The following TIAM1 variants were observed in gnomAD, a reference collection of about 807,000 sequenced individuals.
TIAM1 encodes TIAM Rac1 associated GEF 1.
A neutral mutation model predicts 163.5 loss-of-function variants in TIAM1; 65 were observed. The ratio of observed to expected loss-of-function variants is 0.40; its 90% CI spans 0.33 to 0.49. The LOEUF (loss-of-function observed/expected upper bound fraction) is 0.49. TIAM1 is among the 20% of genes least tolerant of loss of function. TIAM1 has a pLI of 0.77. For missense variants in TIAM1, 1,789 were observed against 2,044.7 expected (o/e 0.87, Z 2.41); for synonymous variants, 833 against 810.1 (o/e 1.03, Z -0.48).
chr21:31,330,404 G>T (rs535862803), intron 2 of TIAM1, among the ~76,000 whole-genome samples: 13 of 152,180 alleles, frequency 8.5e-5, no homozygotes, highest in East Asian at 1.9e-4. Flanking sequence ...GTTGTTTTTG[G>T]TTTTTTGCAT....
intron 2 of TIAM1, among the ~76,000 whole-genome samples, chr21:31,333,531 G>A (rs1326173836): frequency 1.3e-5 from 2 of 152,046 alleles, no homozygotes; most frequent in Non-Finnish European, 2.9e-5. Context: ...TCAACCTTCT[G>A]GGCTCAAGCA....
chr21:31,270,243 C>T (rs2072998446), intron 3 of TIAM1, among the ~76,000 whole-genome samples: 3 of 152,184 alleles, frequency 2.0e-5, no homozygotes, highest in South Asian at 2.1e-4. Flanking sequence ...AATATCGGTG[C>T]ATTTTAGTAA....
intron 20 of TIAM1, among the ~76,000 whole-genome samples, chr21:31,143,213 A>G (rs187026189): frequency 1.6e-4 from 24 of 152,252 alleles, no homozygotes; most frequent in African/African-American, 5.8e-4. Flanking sequence ...GTAAATGAAC[A>G]CAATCAACAT....
rs1282711514 is a variant in TIAM1, at chr21:31,339,401, T to C, written c.-347A>G. On this transcript the variant is annotated 5_prime_UTR_variant, in exon 2 of 28. Coordinates refer to ENST00000541036, the MANE Select transcript of TIAM1 (RefSeq NM_001353694.2). ...TGGGCTTCAGGTCTAGAAAGGTGGG[T>C]CTCAGTCCACAGTGATTCTACCTAT... is the stretch of plus-strand genomic sequence containing the variant. The C allele has an allele frequency of 2.5e-6, 1 of 398,494 alleles. No individual in the cohort carries two copies. Among genetic ancestry groups the C allele is most frequent in the Non-Finnish European group, 4.4e-6 (1 of 226,110 alleles). 24.7% of individuals were successfully genotyped at this position (398,494 alleles called of 1,614,324 possible). A position where few individuals can be genotyped will look rare whatever the true frequency, so the allele number is the denominator to read the frequency against.
chr21:31,363,645 C>T (rs1451661565), intron 2 of TIAM1, among the ~76,000 whole-genome samples: 2 of 152,052 alleles, frequency 1.3e-5, no homozygotes. Flanking sequence ...CTCCTTTTCC[C>T]TTTTCCAAAT....
In TIAM1 at chr21:31,213,422, A is replaced by C. The variant is rs1440287551; in HGVS notation, c.2193T>G (p.Phe731Leu). The C allele has an allele frequency of 6.2e-7, 1 of 1,611,162 alleles. No individual in the cohort carries two copies. Among genetic ancestry groups the C allele is most frequent in the South Asian group, 1.1e-5 (1 of 90,250 alleles). ...CCTTGCCATCTGGAACAATGTCATC[A>C]AATATTCCCTCTAAAGATTTCTTTA... ...EAVKKSLEGIFDDIVPDGKRE... is the reference protein window; with the variant it reads ...EAVKKSLEGILDDIVPDGKRE... Residue 731 changes from phenylalanine to leucine, a missense_variant, in exon 10 of 28, where the codon TTT (phenylalanine) becomes TTG (leucine). Transcript: ENST00000541036.
At chr21:31,453,711 T>G (rs2044970679) in intron 2 of TIAM1, among the ~76,000 whole-genome samples, 1 of 145,828 alleles carries the variant, frequency 6.9e-6, no homozygotes, top group Admixed American at 6.9e-5. Context: ...AATAAATAAA[T>G]AAATAAATAA....
At chr21:31,222,680 T>C (rs867224426) in intron 8 of TIAM1, among the ~76,000 whole-genome samples, 49 of 35,504 alleles carry the variant, frequency 1.4e-3, no homozygotes, top group East Asian at 0.011. Context: ...CACATACATA[T>C]ATATATATAT....
intron 16 of TIAM1, among the ~76,000 whole-genome samples, chr21:31,161,806 T>C (rs1327029789): frequency 6.6e-6 from 1 of 152,196 alleles, no homozygotes. Flanking sequence ...TTTAGACAGC[T>C]AACGATTGAA....
chr21:31,234,782 CAA>C (rs11301196), intron 6 of TIAM1, among the ~76,000 whole-genome samples: 4 of 151,512 alleles, frequency 2.6e-5, no homozygotes, highest in Non-Finnish European at 5.9e-5. Context: ...ACCCTGTCTC[CAA>C]AAAAAAAGAG....
At chr21:31,165,733 A>G (rs1196263258) in intron 15 of TIAM1, among the ~76,000 whole-genome samples, 2 of 151,914 alleles carry the variant, frequency 1.3e-5, no homozygotes, top group African/African-American at 2.4e-5. Flanking sequence ...TGATTTTACA[A>G]TTAGCAAATT....
intron 3 of TIAM1, among the ~76,000 whole-genome samples, chr21:31,275,413 C>A (rs913638628): frequency 6.6e-6 from 1 of 152,026 alleles, no homozygotes; most frequent in African/African-American, 2.4e-5. Context: ...CTGACAGCTA[C>A]AACAAAACGG....
chr21:31,294,832 G>A (rs1601855953), intron 2 of TIAM1, among the ~76,000 whole-genome samples: 1 of 152,182 alleles, frequency 6.6e-6, no homozygotes, highest in South Asian at 2.1e-4. Context: ...CACAAGCACG[G>A]GGAAGGGGGC....
intron 19 of TIAM1, among the ~76,000 whole-genome samples, chr21:31,147,676 A>G (rs2083185158): frequency 6.9e-6 from 1 of 145,204 alleles, no homozygotes; most frequent in Admixed American, 7.0e-5. Context: ...ATATATAGAT[A>G]TATATAAATA....
At chr21:31,188,889 T>C (rs1568994169) in intron 13 of TIAM1, among the ~76,000 whole-genome samples, 1 of 151,814 alleles carries the variant, frequency 6.6e-6, no homozygotes, top group Non-Finnish European at 1.5e-5. Flanking sequence ...TTTTTTTCTA[T>C]TAAAAAATTA....
chr21:31,528,078 G>A (rs2047844631), intron 1 of TIAM1, among the ~76,000 whole-genome samples: 1 of 152,178 alleles, frequency 6.6e-6, no homozygotes, highest in African/African-American at 2.4e-5. Context: ...AGACTTCAGT[G>A]TTTAAACAAC....
At chr21:31,146,277 T>C (rs997854397) in intron 20 of TIAM1, among the ~76,000 whole-genome samples, 3 of 143,596 alleles carry the variant, frequency 2.1e-5, no homozygotes, top group African/African-American at 7.9e-5. Context: ...TACCAAAAAA[T>C]ACAAAAATTA....
intron 15 of TIAM1, among the ~76,000 whole-genome samples, chr21:31,176,208 T>C (rs2084758002): frequency 6.6e-6 from 1 of 152,128 alleles, no homozygotes; most frequent in Non-Finnish European, 1.5e-5. Flanking sequence ...ATTGTTAATA[T>C]TGCTAGATAA....
At chr21:31,517,914 C>G (rs1387875062) in intron 1 of TIAM1, among the ~76,000 whole-genome samples, 1 of 152,222 alleles carries the variant, frequency 6.6e-6, no homozygotes, top group Admixed American at 6.5e-5. Flanking sequence ...CCAAACCCCT[C>G]TGCCTAGCCA....
Sources: gnomAD v4.1 joint callset for allele counts (sites outside exome capture counted in the v4.1 genomes callset) on GRCh38, gnomAD v4.1.1 for gene constraint, MANE v1.5 for transcripts, NCBI Gene and HGNC (gene_info 2026-07-23, HGNC 2026-07-21) for gene names.